Variants in ACP6 observed in about 807,000 individuals in gnomAD.
ACP6 encodes lysophosphatidic acid phosphatase type 6.
ACP6 carries 48 observed loss-of-function variants against 48.1 expected under a neutral mutation model. The observed-to-expected ratio is 1.00, with a 90% CI of 0.79 to 1.27. The LOEUF (loss-of-function observed/expected upper bound fraction) is 1.27. Ranked by LOEUF, ACP6 falls within the 50% of genes most tolerant of loss-of-function variation. ACP6 has a pLI of 0.00. For synonymous variants in ACP6, 172 were observed against 204.2 expected, an observed-to-expected ratio of 0.84 and a Z score of 1.34; for missense variants, 485 against 529.1, an observed-to-expected ratio of 0.92 and a Z score of 0.82.
intron 5 of ACP6, among the ~76,000 whole-genome samples, chr1:147,631,894 G>A (rs117244562): frequency 0.02 from 3,109 of 152,190 alleles, 94 homozygotes; most frequent in East Asian, 0.15. Context: ...GCTTCCTAAT[G>A]TAATTAGTAT....
At chr1:147,657,646 C>G (rs1660326030) in intron 4 of ACP6, among the ~76,000 whole-genome samples, 2 of 152,150 alleles carry the variant, frequency 1.3e-5, no homozygotes, top group African/African-American at 4.8e-5. Flanking sequence ...GTCTTGAACT[C>G]CTGATCTCAT....
At chr1:147,636,649 T>C (rs1553208031) in intron 5 of ACP6, among the ~76,000 whole-genome samples, 1 of 152,256 alleles carries the variant, frequency 6.6e-6, no homozygotes, top group Non-Finnish European at 1.5e-5. Flanking sequence ...TTGGATGTCA[T>C]AGGCTTTTTG....
intron 7 of ACP6, chr1:147,651,366 A>G (rs1177300373): frequency 1.3e-5 from 2 of 152,212 alleles, no homozygotes; most frequent in African/African-American, 4.8e-5. Context: ...GTTTTGGTAA[A>G]CAAATTTTAC....
Position 147,659,720 on chromosome 1 carries a change from G to A in ACP6, c.275C>T (p.Thr92Ile), listed in dbSNP as rs587706787. Residue 92 changes from threonine (T) to isoleucine (I), a missense_variant, in exon 2 of 10, where the codon ACA (threonine) becomes ATA (isoleucine). Physicochemically the swap from Thr to Ile is moderately conservative, Grantham distance 89. Transcript: ENST00000583509. Reference sequence around the variant, plus strand: ...CGGACCACCAGCTAGATTGGTGACTGTGTAATCAAACTGAGTTTGGGGTGG... The same window carrying A: ...CGGACCACCAGCTAGATTGGTGACTATGTAATCAAACTGAGTTTGGGGTGG... The part of the protein sequence containing the change: ...EVPPQTQFDY[T>I]VTNLAGGPKP... 6.2e-7 allele frequency: 1 copy of A among 1,614,166 alleles called. No individual in the cohort carries two copies. Among genetic ancestry groups the A allele is most frequent in the South Asian group, 1.1e-5 (1 of 91,078 alleles).
At chr1:147,635,580 G>A (rs1302874607) in intron 5 of ACP6, among the ~76,000 whole-genome samples, 1 of 152,214 alleles carries the variant, frequency 6.6e-6, no homozygotes, top group Non-Finnish European at 1.5e-5. Flanking sequence ...TAGGGAAGTT[G>A]GGGAGAAGTC....
chr1:147,629,990 A>T (rs1238073843), exon 6 of ACP6: 2 of 152,236 alleles, frequency 1.3e-5, no homozygotes, highest in African/African-American at 4.8e-5. Context: ...GAAAATAAAC[A>T]GAAGAACCAG....
At chr1:147,649,306 A>G (rs1659787938) in intron 8 of ACP6, among the ~76,000 whole-genome samples, 1 of 152,190 alleles carries the variant, frequency 6.6e-6, no homozygotes, top group Non-Finnish European at 1.5e-5. Flanking sequence ...TGAGAACCTG[A>G]TGAGTTCTTG....
intron 4 of ACP6, among the ~76,000 whole-genome samples, chr1:147,656,781 C>T (rs934503469): frequency 1.3e-5 from 2 of 152,170 alleles, no homozygotes; most frequent in Admixed American, 6.5e-5. Flanking sequence ...ATTGGTCCTC[C>T]ATGTCCTTGG....
chr1:147,652,836 G>GT (rs1309020962), intron 6 of ACP6, among the ~76,000 whole-genome samples: 42 of 544 alleles, frequency 0.077, no homozygotes, highest in Admixed American at 0.28. Context: ...TTGTTTTTTT[G>GT]GTTTTTTTGA....
chr1:147,667,342 C>T (rs1004253058), intron 1 of ACP6, among the ~76,000 whole-genome samples: 2 of 152,116 alleles, frequency 1.3e-5, no homozygotes, highest in South Asian at 4.2e-4. Context: ...CTCAGCCTCC[C>T]GAGTAGCTGG....
In ACP6 at chr1:147,652,551, T is replaced by C. The variant is rs782069618; in HGVS notation, c.781-2A>G. On this transcript the variant is annotated splice_acceptor_variant, in intron 6 of 9. Coordinates refer to ENST00000583509, the MANE Select transcript of ACP6 (RefSeq NM_016361.5). LOFTEE classifies it high-confidence loss of function. Reference sequence around the variant, plus strand: ...GGGGCAGCTTGGGAGGTTGTGTGCCTGAAAGGGCCACATGTAGTTTTAGAA... The same window carrying C: ...GGGGCAGCTTGGGAGGTTGTGTGCCCGAAAGGGCCACATGTAGTTTTAGAA... 3.7e-6 allele frequency: 6 copies of C among 1,613,908 alleles called. No homozygotes were observed. Among genetic ancestry groups the C allele is most frequent in the African/African-American group, 1.3e-5 (1 of 74,884 alleles).
chr1:147,655,055 G>A (rs1028701070), intron 5 of ACP6, 106 bp downstream of exon 5: 50 of 851,176 alleles, frequency 5.9e-5, no homozygotes, highest in South Asian at 4.1e-4. Context: ...TCCATTATTC[G>A]CCAGTAGGGT....
chr1:147,648,588 C>T (rs1255598919), intron 8 of ACP6, among the ~76,000 whole-genome samples, 177 bp from the exon 9 acceptor site: 1 of 152,184 alleles, frequency 6.6e-6, no homozygotes, highest in South Asian at 2.1e-4. Flanking sequence ...CTTGTTCCCA[C>T]TCCCCGTGTC....
At chr1:147,660,568 C>A (rs932638044) in intron 1 of ACP6, among the ~76,000 whole-genome samples, 23 of 152,174 alleles carry the variant, frequency 1.5e-4, no homozygotes, top group African/African-American at 5.3e-4. Flanking sequence ...ATCCCCACAC[C>A]AAGCCCTGTT....
intron 9 of ACP6, 110 bp downstream of exon 9, chr1:147,648,136 C>A: frequency 7.6e-7 from 1 of 1,318,608 alleles, no homozygotes; most frequent in Admixed American, 2.1e-5. Flanking sequence ...GCTGACTGTG[C>A]CAAGAGAGAC....
At chr1:147,632,809 A>G (rs1209431767) in intron 5 of ACP6, among the ~76,000 whole-genome samples, 2 of 152,122 alleles carry the variant, frequency 1.3e-5, no homozygotes, top group Non-Finnish European at 2.9e-5. Context: ...GCTGACTGGA[A>G]GCACGCACCT....
At chr1:147,648,546 A>C (rs1659751435) in intron 8 of ACP6, 135 bp from the exon 9 acceptor site, 1 of 1,040,844 alleles carries the variant, frequency 9.6e-7, no homozygotes, top group Admixed American at 2.4e-5. Flanking sequence ...GCCTGGTATA[A>C]AAGTCCTTTG....
intron 9 of ACP6, chr1:147,647,934 A>T (rs1389800556): frequency 4.1e-6 from 2 of 486,028 alleles, no homozygotes; most frequent in Non-Finnish European, 7.4e-6. Flanking sequence ...TACCACCAAC[A>T]ATCTCCAAAA....
chr1:147,653,511 A>C (rs1483903201), intron 6 of ACP6, among the ~76,000 whole-genome samples: 1 of 152,156 alleles, frequency 6.6e-6, no homozygotes, highest in Non-Finnish European at 1.5e-5. Context: ...TCATTTTCCC[A>C]AAATGAAGTC....
Sources: allele counts gnomAD v4.1 joint callset (sites outside exome capture counted in the v4.1 genomes callset), GRCh38; gene constraint gnomAD v4.1.1; transcripts MANE v1.5; gene names NCBI Gene and HGNC (gene_info 2026-07-23, HGNC 2026-07-21).